The following PPFIA4 variants were observed in gnomAD, a reference collection of about 807,000 sequenced individuals.
PPFIA4 encodes the protein liprin-alpha-4.
Under a neutral mutation model 145.7 loss-of-function variants are expected in PPFIA4, and 98 were observed. The observed-to-expected ratio is 0.67, with a 90% confidence interval of 0.57 to 0.80. The LOEUF (loss-of-function observed/expected upper bound fraction) is 0.80, where lower values mean the gene tolerates loss of function less well. PPFIA4 is among the 30% of genes least tolerant of loss of function. The pLI is 0.00. For missense variants in PPFIA4, 1,457 were observed against 1,632.7 expected (o/e 0.89, Z 1.85); for synonymous variants, 628 against 649.6 (o/e 0.97, Z 0.51).
chr1:203,060,564 AG>A lies in PPFIA4; in HGVS notation c.2784+149del, dbSNP rs1661291247. On this transcript the variant is annotated intron_variant, in intron 22 of 29. Coordinates refer to ENST00000295706, the MANE Select transcript of PPFIA4 (RefSeq NM_001304331.2). The surrounding 1 kb of genome is among the most constrained non-coding windows in gnomAD (Gnocchi z 4.8). ...CAAAGGGCTCTCCCTGGTCTTCAGG[AG>A]GATATGATGTTGATTCTAGGAGGAT... The A allele has an allele frequency of 1.2e-6, 1 of 859,164 alleles. No homozygotes were observed. The highest frequency in any genetic ancestry group is 1.7e-5 in the African/African-American group (1 of 59,394). 53.2% of individuals were successfully genotyped at this position (859,164 alleles called of 1,614,324 possible). A position where few individuals can be genotyped will look rare whatever the true frequency, so the allele number is the denominator to read the frequency against.
At position 203,059,831 on chromosome 1, in the gene PPFIA4, A is replaced by G; in HGVS notation, c.2563A>G (p.Thr855Ala). 1 of 1,612,566 alleles carries G rather than the reference A, an allele frequency of 6.2e-7. No individual in the cohort carries two copies. The highest frequency in any genetic ancestry group is 8.5e-7 in the Non-Finnish European group (1 of 1,179,306). ...GMPFAQWDGPTVVSWLELWVG... is the reference protein window; with the variant it reads ...GMPFAQWDGPAVVSWLELWVG... ...GCCCTTTGCCCAGTGGGATGGTCCT[A>G]CTGTGGTCTCCTGGTTGGAGGTAAG... Residue 855 changes from threonine to alanine, a missense_variant, in exon 21 of 30, where the codon ACT (threonine) becomes GCT (alanine). By Grantham distance (58) the Thr-to-Ala change is moderately conservative (BLOSUM62 0). Around this residue, in one of 3 missense-constraint regions of PPFIA4, gnomAD observed 848 missense variants for 1,046.7 expected, o/e 0.81. Transcript: ENST00000295706.
rs768112143 is a variant in PPFIA4, at chr1:203,076,420, C to G, written c.*30C>G. On this transcript the variant is annotated 3_prime_UTR_variant, in exon 30 of 30. Coordinates refer to ENST00000295706, the MANE Select transcript of PPFIA4 (RefSeq NM_001304331.2). ...GGCCCCCAGGGCTGGCTTCCTCCTT[C>G]TGGGTTTCACAGGCTCCTCTGGCCC... 1.2e-6 allele frequency: 2 copies of G among 1,600,198 alleles called. No individual in the cohort carries two copies. The highest frequency in any genetic ancestry group is 2.2e-5 in the South Asian group (2 of 90,918).
chr1:203,051,581 G>A, intron 13 of PPFIA4, 188 bp from the exon 14 acceptor site: 1 of 1,109,176 alleles, frequency 9.0e-7, no homozygotes, highest in South Asian at 2.2e-5. Flanking sequence ...CTGACCCCTG[G>A]AGCACCAGGG....
Position 203,039,249 on chromosome 1 carries a change from C to T in PPFIA4, c.234+7C>T, listed in dbSNP as rs995464887. On this transcript the variant is annotated splice_region_variant and intron_variant, in intron 2 of 29. Transcript: ENST00000295706. The stretch of plus-strand genomic sequence containing the variant: ...TAACTCCGCCCTCCCCCAGGTAAGG[C>T]CCGAAGGCCTGCGTCTCTCTTAACC... 1 of 1,563,814 alleles carries T rather than the reference C, an allele frequency of 6.4e-7. No homozygotes were observed. The highest frequency in any genetic ancestry group is 1.4e-5 in the African/African-American group (1 of 73,338).
At position 203,043,540 on chromosome 1, in the gene PPFIA4, G is replaced by T. The variant is rs781755427; in HGVS notation, c.336+42G>T. Reference sequence around the variant, plus strand: ...TTGTGTCGCGCGCGCGCACGTGTGTGTGTGTGTGTATGGGGGTGTGTTGTG... The same window carrying T: ...TTGTGTCGCGCGCGCGCACGTGTGTTTGTGTGTGTATGGGGGTGTGTTGTG... On this transcript the variant is annotated intron_variant, in intron 3 of 29. Transcript: ENST00000295706. This position sits in a 1 kb window ranked among gnomAD's most constrained non-coding sequence, Gnocchi z 4.4. The T allele has an allele frequency of 6.5e-7, 1 of 1,529,958 alleles. No homozygotes were observed. Among genetic ancestry groups the T allele is most frequent in the Non-Finnish European group, 8.9e-7 (1 of 1,122,778 alleles). 94.8% of individuals were successfully genotyped at this position (1,529,958 alleles called of 1,614,324 possible).
chr1:203,050,132 C>T (rs1237282196), intron 13 of PPFIA4, among the ~76,000 whole-genome samples: 1 of 152,228 alleles, frequency 6.6e-6, no homozygotes, highest in Non-Finnish European at 1.5e-5. Context: ...GAGCCATTCA[C>T]TCCAGTTCTC....
At chr1:203,069,037 C>T (rs1661944729) in intron 27 of PPFIA4, among the ~76,000 whole-genome samples, 1 of 152,158 alleles carries the variant, frequency 6.6e-6, no homozygotes, top group Non-Finnish European at 1.5e-5. Context: ...GCCCATATCA[C>T]CTTTGTCTAC....
chr1:203,057,555 T>C (rs1039165421), intron 19 of PPFIA4, among the ~76,000 whole-genome samples: 4 of 152,378 alleles, frequency 2.6e-5, no homozygotes, highest in Admixed American at 2.0e-4. Context: ...TCTTCTTTTC[T>C]CTTTTCCTTC....
rs945362160 is a variant in PPFIA4 at position 203,076,581 on chromosome 1, G to T, written c.*191G>T. The T allele has an allele frequency of 8.2e-6, 5 of 611,104 alleles. No individual in the cohort carries two copies. Among genetic ancestry groups the T allele is most frequent in the Admixed American group, 2.9e-5 (1 of 34,178 alleles). The allele number at this position is 611,104 out of a possible 1,614,324, so 37.9% of individuals were successfully genotyped here. On this transcript the variant is annotated 3_prime_UTR_variant, in exon 30 of 30. Transcript: ENST00000295706. Reference sequence around the variant, plus strand: ...CCCCGAGTCCCACCGTGTGTCCGTTGTAAGTCCGGTGGATGTGGCTGGGGT... The same window carrying T: ...CCCCGAGTCCCACCGTGTGTCCGTTTTAAGTCCGGTGGATGTGGCTGGGGT...
At chr1:203,032,685 C>G (rs1036789704) in intron 1 of PPFIA4, among the ~76,000 whole-genome samples, 13 of 149,296 alleles carry the variant, frequency 8.7e-5, no homozygotes, top group African/African-American at 3.2e-4. Context: ...TGGGCTCAAG[C>G]AGTCTTTCAC....
intron 1 of PPFIA4, among the ~76,000 whole-genome samples, chr1:203,037,980 C>T (rs1659418326): frequency 6.6e-6 from 1 of 152,180 alleles, no homozygotes; most frequent in African/African-American, 2.4e-5. Flanking sequence ...TGAGCCAGAG[C>T]CTCCTCCCTG....
Position 203,048,756 on chromosome 1 carries a change from G to A in PPFIA4, c.1356+42G>A. The A allele has an allele frequency of 1.3e-6, 2 of 1,596,070 alleles. No homozygotes were observed. Among genetic ancestry groups the A allele is most frequent in the Non-Finnish European group, 1.7e-6 (2 of 1,171,460 alleles). The stretch of plus-strand genomic sequence containing the variant: ...GGTTGGGATGCGAGAGGTTAGTGCT[G>A]GGTGTGGGGCGGGGGGAGGCGGGAC... On this transcript the variant is annotated intron_variant, in intron 11 of 29. Transcript: ENST00000295706. The surrounding 1 kb of genome is among the most constrained non-coding windows in gnomAD (Gnocchi z 5.8).
At position 203,075,544 on chromosome 1, in the gene PPFIA4, GC is replaced by G; in HGVS notation, c.3394-30del. ...GCGTGAGGATGGCAATTCCAACAGG[GC>G]CCTCGGGCCTCTGGTGTCCCCCATG... On this transcript the variant is annotated intron_variant, in intron 28 of 29. Coordinates refer to ENST00000295706, the MANE Select transcript of PPFIA4 (RefSeq NM_001304331.2). The surrounding 1 kb of genome is among the most constrained non-coding windows in gnomAD (Gnocchi z 4.1). 1 of 1,368,000 alleles carries G rather than the reference GC, an allele frequency of 7.3e-7. No individual in the cohort carries two copies. The allele number at this position is 1,368,000 out of a possible 1,614,324, so 84.7% of individuals were successfully genotyped here. A position where few individuals can be genotyped will look rare whatever the true frequency, so the allele number is the denominator to read the frequency against.
At position 203,063,838 on chromosome 1, in the gene PPFIA4, A is replaced by G. The variant is rs766165749; in HGVS notation, c.2885A>G (p.Tyr962Cys). 5.0e-6 allele frequency: 8 copies of G among 1,613,766 alleles called. No individual in the cohort carries two copies. Among genetic ancestry groups the G allele is most frequent in the South Asian group, 4.4e-5 (4 of 91,076 alleles). Reference sequence around the variant, plus strand: ...ATCTCATTTCCCTAGACCCTGGCCTATGGGGACATGAACCATGAGTGGATT... The same window carrying G: ...ATCTCATTTCCCTAGACCCTGGCCTGTGGGGACATGAACCATGAGTGGATT... ...EEGSWAQTLAYGDMNHEWIGN... is the reference protein window; with the variant it reads ...EEGSWAQTLACGDMNHEWIGN... The change falls in exon 25 of 30, where the codon TAT becomes TGT. Residue 962 changes from tyrosine (Y) to cysteine (C), a missense_variant. Tyr to Cys is a radical substitution (Grantham distance 194). This residue lies in a region of PPFIA4 where 848 missense variants were observed against 1,046.7 expected (regional missense o/e 0.81). Coordinates refer to ENST00000295706, the MANE Select transcript of PPFIA4 (RefSeq NM_001304331.2).
Position 203,068,864 on chromosome 1 carries a change from A to G in PPFIA4, c.3324+236A>G, listed in dbSNP as rs1661927251. Among the ~76,000 whole-genome samples, 2 of 152,150 alleles carry G rather than the reference A, an allele frequency of 1.3e-5. No homozygotes were observed. Among genetic ancestry groups the G allele is most frequent in the Non-Finnish European group, 2.9e-5 (2 of 68,004 alleles). ...AGCACACCTAGCGTGGGCCTGGCAC[A>G]CAGTGTGCTCTTACAATGCGCATCC... On this transcript the variant is annotated intron_variant, in intron 27 of 29. Coordinates refer to ENST00000295706, the MANE Select transcript of PPFIA4 (RefSeq NM_001304331.2). This position sits in a 1 kb window ranked among gnomAD's most constrained non-coding sequence, Gnocchi z 4.7.
In PPFIA4 at chr1:203,077,217, G is replaced by A. The variant is rs1662606616; in HGVS notation, c.*827G>A. The A allele has an allele frequency of 6.6e-6, 1 of 152,322 alleles. No homozygotes were observed. Among genetic ancestry groups the A allele is most frequent in the African/African-American group, 2.4e-5 (1 of 41,456 alleles). 9.4% of individuals were successfully genotyped at this position (152,322 alleles called of 1,614,324 possible). A position where few individuals can be genotyped will look rare whatever the true frequency, so the allele number is the denominator to read the frequency against. On this transcript the variant is annotated 3_prime_UTR_variant, in exon 30 of 30. Transcript: ENST00000295706. ...CTGGTAGCCTTAAGCCCAAAGGGCA[G>A]TGGGAATGTCCCCTGCCCCAACCAT...
chr1:203,076,577 C>T lies in PPFIA4; in HGVS notation c.*187C>T, dbSNP rs1441447700. 5 of 613,618 alleles carry T rather than the reference C, an allele frequency of 8.1e-6. No individual in the cohort carries two copies. The highest frequency in any genetic ancestry group is 1.9e-5 in the South Asian group (1 of 51,310). 38.0% of individuals were successfully genotyped at this position (613,618 alleles called of 1,614,324 possible). A position where few individuals can be genotyped will look rare whatever the true frequency, so the allele number is the denominator to read the frequency against. ...ATTACCCCGAGTCCCACCGTGTGTC[C>T]GTTGTAAGTCCGGTGGATGTGGCTG... On this transcript the variant is annotated 3_prime_UTR_variant, in exon 30 of 30. Transcript: ENST00000295706.
At chr1:203,031,966 T>G (rs1225175407) in intron 1 of PPFIA4, among the ~76,000 whole-genome samples, 7 of 151,978 alleles carry the variant, frequency 4.6e-5, no homozygotes, top group African/African-American at 1.7e-4. Context: ...TGGAAAATGG[T>G]TGGCTCCTGG....
chr1:203,041,699 C>T (rs1038534356), intron 2 of PPFIA4, among the ~76,000 whole-genome samples: 2 of 152,114 alleles, frequency 1.3e-5, no homozygotes, highest in Non-Finnish European at 2.9e-5. Context: ...GGAGATAAGA[C>T]AGCTGCTGAG....
Sources: allele counts gnomAD v4.1 joint callset (sites outside exome capture counted in the v4.1 genomes callset), GRCh38; gene constraint gnomAD v4.1.1; regional missense constraint gnomAD v4.1.1; non-coding constraint Gnocchi (gnomAD v3.1); transcripts MANE v1.5; gene names NCBI Gene and HGNC (gene_info 2026-07-23, HGNC 2026-07-21).